DPP6: variants seen among roughly 807,000 people sequenced by gnomAD.
DPP6 encodes the protein dipeptidyl peptidase like 6.
DPP6 carries 69 observed loss-of-function variants against 122.6 expected under a neutral mutation model. That is an observed-to-expected ratio of 0.56 (90% CI 0.46 to 0.69). DPP6 has a LOEUF of 0.69. Among genes scored for constraint, DPP6 ranks in the 30% least tolerant of loss-of-function variants. The pLI is 0.00. For synonymous variants in DPP6, 418 were observed against 433.1 expected (o/e 0.97, Z 0.43); for missense variants, 928 against 1,116.9 (o/e 0.83, Z 2.41).
chr7:154,393,343 C>T lies in DPP6; in HGVS notation c.244-52871C>T, dbSNP rs1814788376. Among the ~76,000 whole-genome samples the T allele has an allele frequency of 2.6e-5, 4 of 152,194 alleles. No individual in the cohort carries two copies. The South Asian group carries it at 8.3e-4, about 31-fold the overall frequency. On this transcript the variant is annotated intron_variant, in intron 1 of 25. Transcript: ENST00000377770. ...ATTAGAATTTGTATAGTAGCATTGC[C>T]TTGGACGAGCCTAGTGCAAACTGAG...
chr7:154,199,592 A>G (rs1799057689), intron 1 of DPP6, among the ~76,000 whole-genome samples: 1 of 151,500 alleles, frequency 6.6e-6, no homozygotes, highest in African/African-American at 2.4e-5. Context: ...CATGGCATCT[A>G]TACTCTCAGC....
At chr7:153,757,358 ATTTTTCATTTTG>A in the DPP6 span, among the ~76,000 whole-genome samples, 2 of 146,512 alleles carry the variant, frequency 1.4e-5, no homozygotes, top group East Asian at 3.9e-4. Context: ...ACAAGTTCAT[ATTTTTCATTTTG>A]TTTTTCATAA....
At chr7:154,743,209 G>A (rs1842893566) in intron 8 of DPP6, among the ~76,000 whole-genome samples, 1 of 152,118 alleles carries the variant, frequency 6.6e-6, no homozygotes, top group Non-Finnish European at 1.5e-5. Context: ...CACCTGCTGG[G>A]CCTTTAGATA....
chr7:154,066,968 G>C (rs1255437347), intron 1 of DPP6, among the ~76,000 whole-genome samples: 1 of 146,686 alleles, frequency 6.8e-6, no homozygotes, highest in Non-Finnish European at 1.5e-5. Flanking sequence ...TGCCCCATAT[G>C]GCTGTTGAGT....
chr7:153,793,311 T>G, the DPP6 span, among the ~76,000 whole-genome samples: 1 of 150,604 alleles, frequency 6.6e-6, no homozygotes, highest in African/African-American at 2.4e-5. Flanking sequence ...TGGTCTCAGA[T>G]GGTGATGAGG....
chr7:153,808,346 C>CGT, the DPP6 span, among the ~76,000 whole-genome samples: 1 of 144,674 alleles, frequency 6.9e-6, no homozygotes. Flanking sequence ...TGTGTTTGCA[C>CGT]GTGTGTGTGT....
intron 6 of DPP6, among the ~76,000 whole-genome samples, chr7:154,640,259 A>G (rs1015110110): frequency 6.6e-6 from 1 of 151,632 alleles, no homozygotes; most frequent in South Asian, 2.1e-4. Flanking sequence ...TCAAACAAAA[A>G]CAAAAACAAC....
intron 1 of DPP6, among the ~76,000 whole-genome samples, chr7:154,434,683 C>G (rs115102511): frequency 1.3e-5 from 2 of 152,158 alleles, no homozygotes; most frequent in African/African-American, 4.8e-5. Flanking sequence ...AATAACCCAT[C>G]ACAGAAATGA....
At chr7:154,055,078 A>T (rs2129064167) in intron 1 of DPP6, among the ~76,000 whole-genome samples, 1 of 143,318 alleles carries the variant, frequency 7.0e-6, no homozygotes, top group East Asian at 2.0e-4. Context: ...CTTAGATGTA[A>T]GTCCTGACAT....
intron 1 of DPP6, among the ~76,000 whole-genome samples, chr7:154,286,572 G>C (rs189435292): frequency 6.6e-6 from 1 of 152,294 alleles, no homozygotes; most frequent in African/African-American, 2.4e-5. Context: ...GAATTTTAAT[G>C]CAAAGCTTTC....
At chr7:154,005,174 A>G (rs1797860139) in intron 1 of DPP6, among the ~76,000 whole-genome samples, 1 of 152,194 alleles carries the variant, frequency 6.6e-6, no homozygotes, top group Admixed American at 6.5e-5. Flanking sequence ...GAAAAGGCCT[A>G]TTTTTCAGAT....
chr7:154,289,949 T>C (rs1805098715), intron 1 of DPP6, among the ~76,000 whole-genome samples: 3 of 152,040 alleles, frequency 2.0e-5, no homozygotes, highest in African/African-American at 4.8e-5. Flanking sequence ...AATACAAGGT[T>C]TGGAAGAAAA....
intron 1 of DPP6, among the ~76,000 whole-genome samples, chr7:154,285,640 TA>T (rs1269456408): frequency 1.3e-5 from 2 of 152,228 alleles, no homozygotes; most frequent in Non-Finnish European, 2.9e-5. Context: ...GGAAACGGTT[TA>T]AAAATATGAG....
intron 5 of DPP6, among the ~76,000 whole-genome samples, chr7:154,592,231 A>G (rs1165119622): frequency 6.6e-6 from 1 of 152,236 alleles, no homozygotes; most frequent in African/African-American, 2.4e-5. Flanking sequence ...ACTGGTCCAC[A>G]TGTCCTTTCT....
At chr7:154,111,224 G>T (rs535606874) in intron 1 of DPP6, among the ~76,000 whole-genome samples, 42 of 152,276 alleles carry the variant, frequency 2.8e-4, no homozygotes, top group South Asian at 2.1e-3. Context: ...TTTGAAGTAG[G>T]TCTCTCCCAT....
intron 8 of DPP6, among the ~76,000 whole-genome samples, chr7:154,747,094 A>G (rs1300052831): frequency 1.3e-5 from 2 of 152,218 alleles, no homozygotes; most frequent in Non-Finnish European, 2.9e-5. Flanking sequence ...AATAACATGG[A>G]GACCTCATGA....
At chr7:154,178,078 A>T (rs1298673101) in intron 1 of DPP6, among the ~76,000 whole-genome samples, 1 of 152,122 alleles carries the variant, frequency 6.6e-6, no homozygotes, top group Non-Finnish European at 1.5e-5. Context: ...ACTTGGGGTG[A>T]CCCAAAGCTG....
intron 1 of DPP6, among the ~76,000 whole-genome samples, chr7:154,140,099 C>T (rs1204837742): frequency 2.6e-5 from 4 of 152,192 alleles, no homozygotes; most frequent in East Asian, 1.9e-4. Context: ...TCTTGGGACT[C>T]CTGCTTCTAT....
upstream of DPP6, among the ~76,000 whole-genome samples, chr7:153,886,215 G>A (rs1798905398): frequency 6.6e-6 from 1 of 151,958 alleles, no homozygotes; most frequent in Non-Finnish European, 1.5e-5. Flanking sequence ...GTCTGCATAT[G>A]AATTTGACCA....
Sources: gnomAD v4.1 joint callset for allele counts (sites outside exome capture counted in the v4.1 genomes callset) on GRCh38, gnomAD v4.1.1 for gene constraint, MANE v1.5 for transcripts, NCBI Gene and HGNC (gene_info 2026-07-23, HGNC 2026-07-21) for gene names.